The following DIPK1C variants were observed in gnomAD, a reference collection of about 807,000 sequenced individuals.
The protein encoded by DIPK1C is familial non-conventional Alzheimer's dementia.
In DIPK1C, 33 loss-of-function variants were observed where a neutral mutation model predicts 28.0. The ratio of observed to expected loss-of-function variants is 1.18; its 90% CI spans 0.89 to 1.58. DIPK1C has a LOEUF of 1.58. Ranked by LOEUF, DIPK1C falls within the 40% of genes most tolerant of loss-of-function variation. DIPK1C has a pLI of 0.00. For missense variants in DIPK1C, 569 were observed against 568.5 expected, an observed-to-expected ratio of 1.00 and a Z score of -0.01; for synonymous variants, 255 against 248.8, an observed-to-expected ratio of 1.02 and a Z score of -0.23.
chr18:74,455,764 C>G (rs1396748411), intron 1 of DIPK1C, among the ~76,000 whole-genome samples: 1 of 143,944 alleles, frequency 6.9e-6, no homozygotes, highest in Non-Finnish European at 1.5e-5. Context: ...AAAAACCAAA[C>G]CAACAACAAC....
intron 1 of DIPK1C, among the ~76,000 whole-genome samples, chr18:74,452,795 C>G (rs967702056): frequency 6.6e-6 from 1 of 152,022 alleles, no homozygotes; most frequent in Non-Finnish European, 1.5e-5. Flanking sequence ...GTTGAAATAG[C>G]TGGGTTTTTT....
In DIPK1C at chr18:74,447,035, CAGG is replaced by C. The variant is rs766126630; in HGVS notation, c.444_446del (p.Leu149del). The C allele has an allele frequency of 6.5e-7, 1 of 1,548,716 alleles. No homozygotes were observed. The highest frequency in any genetic ancestry group is 2.0e-5 in the Admixed American group (1 of 50,852). ...CGCTCTTGACCTCCCCAGCCACCAT[CAGG>C]AGGAGTTCGGCCTCGGGCATGTCCT... On this transcript the variant is annotated inframe_deletion, in exon 2 of 4. Transcript: ENST00000343998. This position sits in a 1 kb window ranked among gnomAD's most constrained non-coding sequence, Gnocchi z 4.1.
intron 1 of DIPK1C, among the ~76,000 whole-genome samples, chr18:74,451,051 G>A (rs1599041058): frequency 6.6e-6 from 1 of 152,316 alleles, no homozygotes; most frequent in East Asian, 1.9e-4. Flanking sequence ...GCCCTGGCCA[G>A]GAAAGGGTGG....
chr18:74,445,294 G>T, intron 2 of DIPK1C, among the ~76,000 whole-genome samples: 1 of 152,150 alleles, frequency 6.6e-6, no homozygotes, highest in East Asian at 1.9e-4. Flanking sequence ...ACGCGGGTGA[G>T]TTCCCCCAGA....
rs1986286249 is a variant in DIPK1C, at chr18:74,447,075, C to T, written c.407G>A (p.Gly136Glu). 1 of 1,550,312 alleles carries T rather than the reference C, an allele frequency of 6.5e-7. No homozygotes were observed. The highest frequency in any genetic ancestry group is 1.4e-5 in the African/African-American group (1 of 73,062). The change falls in exon 2 of 4, where the codon GGG becomes GAG. Residue 136 changes from glycine to glutamate, a missense_variant. Coordinates refer to ENST00000343998, the MANE Select transcript of DIPK1C (RefSeq NM_001044369.3). The surrounding 1 kb of genome is among the most constrained non-coding windows in gnomAD (Gnocchi z 4.1). ...CTCGGGCATGTCCTGGCCACCCTCC[C>T]CTGCCTCCTCTTCCAACAGGCTGAG... ...PPLSLLEEEA[G>E]EGGQDMPEAE...
Position 74,447,416 on chromosome 18 carries a change from A to C in DIPK1C, c.199-133T>G. On this transcript the variant is annotated intron_variant, in intron 1 of 3. Coordinates refer to ENST00000343998, the MANE Select transcript of DIPK1C (RefSeq NM_001044369.3). The surrounding 1 kb of genome is among the most constrained non-coding windows in gnomAD (Gnocchi z 4.1). ...TAATCCAGCTGTGCAGAGAAACCTC[A>C]GCCCTGTGGATCTCAGAGGCCACTC... 1 of 927,034 alleles carries C rather than the reference A, an allele frequency of 1.1e-6. No homozygotes were observed. Among genetic ancestry groups the C allele is most frequent in the Non-Finnish European group, 1.6e-6 (1 of 639,522 alleles). The allele number at this position is 927,034 out of a possible 1,614,324, so 57.4% of individuals were successfully genotyped here.
intron 1 of DIPK1C, among the ~76,000 whole-genome samples, chr18:74,455,360 C>T (rs1986483180): frequency 6.6e-6 from 1 of 152,086 alleles, no homozygotes; most frequent in Admixed American, 6.5e-5. Flanking sequence ...TCTAGTTAAA[C>T]CATCAATGTT....
At chr18:74,456,262 G>A (rs1986509415) in intron 1 of DIPK1C, among the ~76,000 whole-genome samples, 1 of 152,242 alleles carries the variant, frequency 6.6e-6, no homozygotes, top group Non-Finnish European at 1.5e-5. Context: ...TCAACTAAAG[G>A]TGGGCGTTTC....
chr18:74,444,373 C>T (rs960423197), intron 2 of DIPK1C, among the ~76,000 whole-genome samples: 1 of 152,228 alleles, frequency 6.6e-6, no homozygotes, highest in Non-Finnish European at 1.5e-5. Flanking sequence ...CTGTGAATGA[C>T]CAATTCTTAC....
At chr18:74,450,894 T>C (rs1485060132) in intron 1 of DIPK1C, among the ~76,000 whole-genome samples, 3 of 152,256 alleles carry the variant, frequency 2.0e-5, no homozygotes, top group Admixed American at 6.5e-5. Flanking sequence ...CTCTGGGCTC[T>C]GCCCCTGGCT....
intron 3 of DIPK1C, among the ~76,000 whole-genome samples, 173 bp downstream of exon 3, chr18:74,441,779 A>G (rs1362234798): frequency 6.6e-6 from 1 of 152,120 alleles, no homozygotes; most frequent in African/African-American, 2.4e-5. Context: ...GGGGCAGGCA[A>G]CCAAGAGCAC....
intron 3 of DIPK1C, among the ~76,000 whole-genome samples, chr18:74,438,258 G>A (rs988693778): frequency 4.6e-5 from 7 of 152,324 alleles, no homozygotes; most frequent in South Asian, 2.1e-4. Context: ...AAATGTGTGC[G>A]TGTGTCGTAA....
rs762452414 is a variant in DIPK1C, at chr18:74,442,177, C to T, written c.877-61G>A. 40 of 1,591,890 alleles carry T rather than the reference C, an allele frequency of 2.5e-5. 1 individual carries two copies. The Middle Eastern group carries it at 8.3e-4, about 33-fold the overall frequency. On this transcript the variant is annotated intron_variant, in intron 2 of 3. Coordinates refer to ENST00000343998, the MANE Select transcript of DIPK1C (RefSeq NM_001044369.3). ...ACTGGTGGGCTCTGCAGAGAGGGAG[C>T]CTGTTCACAACTTCTGTTCACCTCG... is the stretch of plus-strand genomic sequence containing the variant.
upstream of DIPK1C, among the ~76,000 whole-genome samples, chr18:74,461,305 CTCT>C (rs904488182): frequency 6.6e-6 from 1 of 151,884 alleles, no homozygotes; most frequent in African/African-American, 2.4e-5. Flanking sequence ...CATGCCTCCT[CTCT>C]TTTCTTTTTT....
intron 2 of DIPK1C, among the ~76,000 whole-genome samples, chr18:74,446,359 G>A (rs1599038274): frequency 1.3e-5 from 2 of 152,348 alleles, no homozygotes; most frequent in African/African-American, 4.8e-5. Context: ...CCCTCTGGGA[G>A]GACGAAGCTG....
intron 2 of DIPK1C, among the ~76,000 whole-genome samples, chr18:74,446,023 C>T (rs1379106333): frequency 1.3e-5 from 2 of 152,196 alleles, no homozygotes; most frequent in Admixed American, 6.5e-5. Context: ...CCCCGTGGTG[C>T]GGTGACAGAT....
chr18:74,447,362 C>T lies in DIPK1C; in HGVS notation c.199-79G>A. 7.4e-7 allele frequency: 1 copy of T among 1,352,770 alleles called. No homozygotes were observed. The highest frequency in any genetic ancestry group is 9.8e-7 in the Non-Finnish European group (1 of 1,017,250). 83.8% of individuals were successfully genotyped at this position (1,352,770 alleles called of 1,614,324 possible). On this transcript the variant is annotated intron_variant, in intron 1 of 3. Coordinates refer to ENST00000343998, the MANE Select transcript of DIPK1C (RefSeq NM_001044369.3). This position sits in a 1 kb window ranked among gnomAD's most constrained non-coding sequence, Gnocchi z 4.1. ...TCTCGGCTCGGGTTAGGGAAGGGGA[C>T]AGCCTAGCCTCTGCCCTCAGGACGC...
chr18:74,462,598 A>T (rs1418798432), upstream of DIPK1C, among the ~76,000 whole-genome samples: 1 of 151,402 alleles, frequency 6.6e-6, no homozygotes, highest in East Asian at 2.0e-4. Context: ...ATGTGGACGT[A>T]TGTTTTTATG....
At chr18:74,457,730 C>CCG (rs764103269), upstream of DIPK1C, 1 of 149,132 alleles carries the variant, frequency 6.7e-6, no homozygotes, top group African/African-American at 2.5e-5. Context: ...GTTGTCCCCC[C>CCG]CCGTTTACCT....
Sources: gnomAD v4.1 joint callset for allele counts (sites outside exome capture counted in the v4.1 genomes callset) on GRCh38, gnomAD v4.1.1 for gene constraint, Gnocchi (gnomAD v3.1) non-coding constraint, MANE v1.5 for transcripts, NCBI Gene and HGNC (gene_info 2026-07-23, HGNC 2026-07-21) for gene names.